PPP1R9A: variants seen among roughly 807,000 people sequenced by gnomAD.
PPP1R9A encodes neurabin-1.
A neutral mutation model predicts 141.9 loss-of-function variants in PPP1R9A; 59 were observed. The observed-to-expected ratio is 0.42, with a 90% CI of 0.34 to 0.52. The LOEUF (loss-of-function observed/expected upper bound fraction) is 0.52. Among genes scored for constraint, PPP1R9A ranks in the 20% least tolerant of loss-of-function variants. PPP1R9A has a pLI of 0.10. For synonymous variants in PPP1R9A, 500 were observed against 569.7 expected, an observed-to-expected ratio of 0.88 and a Z score of 1.74; for missense variants, 1,444 against 1,611.9, an observed-to-expected ratio of 0.90 and a Z score of 1.78.
At chr7:95,018,983 G>A (rs1269809731) in intron 2 of PPP1R9A, among the ~76,000 whole-genome samples, 1 of 152,056 alleles carries the variant, frequency 6.6e-6, no homozygotes, top group Non-Finnish European at 1.5e-5. Flanking sequence ...TTCAGAAATG[G>A]CACCATATTA....
intron 4 of PPP1R9A, among the ~76,000 whole-genome samples, chr7:95,161,405 C>T (rs2152710447): frequency 6.6e-6 from 1 of 152,182 alleles, no homozygotes; most frequent in East Asian, 1.9e-4. Flanking sequence ...TGACTAAGAT[C>T]TGGGGCTTCT....
chr7:94,974,438 A>G (rs1799209156), intron 2 of PPP1R9A, among the ~76,000 whole-genome samples: 1 of 152,208 alleles, frequency 6.6e-6, no homozygotes. Flanking sequence ...GTTTGATGAC[A>G]GGACATCCAA....
chr7:95,146,004 G>C (rs186378612), intron 4 of PPP1R9A, among the ~76,000 whole-genome samples: 1 of 152,134 alleles, frequency 6.6e-6, no homozygotes, highest in East Asian at 1.9e-4. Flanking sequence ...ATATCCTTTG[G>C]GTATATACCA....
At chr7:95,033,690 G>A (rs949368658) in intron 2 of PPP1R9A, among the ~76,000 whole-genome samples, 1 of 151,986 alleles carries the variant, frequency 6.6e-6, no homozygotes, top group Non-Finnish European at 1.5e-5. Flanking sequence ...TGATTTTTGT[G>A]TGTGTCAGAG....
Position 94,910,101 on chromosome 7 carries a change from C to A in PPP1R9A, c.-13C>A. ...ATCATTATGAACATTGGCTTTTCAC[C>A]CCTGAAGTGAAAATGTTGAAAACTG... On this transcript the variant is annotated 5_prime_UTR_variant, in exon 2 of 20. Transcript: ENST00000433360. The surrounding 1 kb of genome is among the most constrained non-coding windows in gnomAD (Gnocchi z 4.5). The A allele has an allele frequency of 6.3e-7, 1 of 1,588,266 alleles. No individual in the cohort carries two copies. The highest frequency in any genetic ancestry group is 8.6e-7 in the Non-Finnish European group (1 of 1,168,318).
At chr7:95,181,401 T>G (rs1563370050) in intron 5 of PPP1R9A, among the ~76,000 whole-genome samples, 14 of 136,570 alleles carry the variant, frequency 1.0e-4, no homozygotes, top group African/African-American at 3.8e-4. Context: ...AGAATATATA[T>G]ATTCCATCAT....
At chr7:95,143,425 A>G (rs111619032) in intron 4 of PPP1R9A, among the ~76,000 whole-genome samples, 48 of 152,226 alleles carry the variant, frequency 3.2e-4, no homozygotes, top group Admixed American at 1.6e-3. Context: ...CAGACTTATT[A>G]TACTGATTGG....
At chr7:95,210,463 C>CA (rs200749633) in intron 7 of PPP1R9A, among the ~76,000 whole-genome samples, 12 of 150,304 alleles carry the variant, frequency 8.0e-5, no homozygotes, top group Admixed American at 4.7e-4. Flanking sequence ...AGGGTGTGTT[C>CA]AAAAAAATTT....
chr7:95,263,211 A>G (rs1800701004), intron 12 of PPP1R9A, among the ~76,000 whole-genome samples: 1 of 152,214 alleles, frequency 6.6e-6, no homozygotes, highest in Non-Finnish European at 1.5e-5. Flanking sequence ...GAGAAAATAT[A>G]CTAAATATAT....
intron 2 of PPP1R9A, among the ~76,000 whole-genome samples, chr7:95,010,501 T>C (rs1473884104): frequency 6.6e-6 from 1 of 152,234 alleles, no homozygotes. Context: ...TATCTCTGCT[T>C]TTAAATTAAA....
chr7:95,190,141 A>G (rs1269062437), intron 5 of PPP1R9A, among the ~76,000 whole-genome samples: 1 of 152,108 alleles, frequency 6.6e-6, no homozygotes, highest in Non-Finnish European at 1.5e-5. Flanking sequence ...ATTCCTTCTC[A>G]TTTGAGCAAC....
intron 8 of PPP1R9A, 60 bp downstream of exon 8, chr7:95,226,176 T>C (rs1795121755): frequency 1.4e-6 from 2 of 1,468,244 alleles, no homozygotes; most frequent in Non-Finnish European, 1.8e-6. Context: ...AGTATATATT[T>C]CTGTTCAAAT....
At chr7:95,170,156 C>G (rs1831889024) in intron 5 of PPP1R9A, among the ~76,000 whole-genome samples, 1 of 151,568 alleles carries the variant, frequency 6.6e-6, no homozygotes, top group Admixed American at 6.6e-5. Flanking sequence ...AATTTTAAGA[C>G]ATACTACAAT....
intron 4 of PPP1R9A, among the ~76,000 whole-genome samples, chr7:95,134,833 T>C (rs900888552): frequency 6.6e-6 from 1 of 152,260 alleles, no homozygotes; most frequent in Non-Finnish European, 1.5e-5. Flanking sequence ...CTTATAACTT[T>C]AGTTTTTAAT....
intron 2 of PPP1R9A, among the ~76,000 whole-genome samples, chr7:95,067,371 G>GTCTAAGGAAAACAA (rs1384678327): frequency 6.6e-6 from 1 of 152,204 alleles, no homozygotes; most frequent in Non-Finnish European, 1.5e-5. Flanking sequence ...CCAGGACAGT[G>GTCTAAGGAAAACAA]TCTAAGGAAA....
At chr7:95,230,073 A>G (rs986181985) in intron 8 of PPP1R9A, among the ~76,000 whole-genome samples, 8 of 152,164 alleles carry the variant, frequency 5.3e-5, no homozygotes, top group African/African-American at 1.9e-4. Flanking sequence ...AATAATCACT[A>G]CATTTCAGCT....
At chr7:95,184,837 T>C (rs1171985842) in intron 5 of PPP1R9A, among the ~76,000 whole-genome samples, 1 of 152,198 alleles carries the variant, frequency 6.6e-6, no homozygotes, top group African/African-American at 2.4e-5. Context: ...ATGCTGTATA[T>C]ATATGTACCA....
At chr7:94,934,342 T>G (rs930369194) in intron 2 of PPP1R9A, among the ~76,000 whole-genome samples, 3 of 152,194 alleles carry the variant, frequency 2.0e-5, no homozygotes, top group African/African-American at 7.2e-5. Flanking sequence ...ATCAAACACT[T>G]GCTTTGAACA....
rs545397481 is a variant in PPP1R9A, at chr7:95,265,130, G to T, written c.2666-3420G>T. 3.9e-5 allele frequency among the ~76,000 whole-genome samples: 6 copies of T among 152,254 alleles called. No homozygotes were observed. The South Asian group carries it at 1.2e-3, about 32-fold the overall frequency. On this transcript the variant is annotated intron_variant, in intron 12 of 19. Transcript: ENST00000433360. The stretch of plus-strand genomic sequence containing the variant: ...AAGCCAAAAAAAATCCCTCAGTGTT[G>T]GGGGTTTTTGTTTCCTCTGATGCTA...
Sources: gnomAD v4.1 joint callset for allele counts (sites outside exome capture counted in the v4.1 genomes callset) on GRCh38, gnomAD v4.1.1 for gene constraint, Gnocchi (gnomAD v3.1) non-coding constraint, MANE v1.5 for transcripts, NCBI Gene and HGNC (gene_info 2026-07-23, HGNC 2026-07-21) for gene names.